Variants in PECAM1 observed in about 807,000 individuals in gnomAD.
PECAM1 encodes the protein platelet and endothelial cell adhesion molecule 1.
A neutral mutation model predicts 13.8 loss-of-function variants in PECAM1; 8 were observed. The ratio of observed to expected loss-of-function variants is 0.58; its 90% CI spans 0.34 to 1.05. The LOEUF is 1.05. PECAM1 is among the 50% of genes least tolerant of loss of function. The probability of loss-of-function intolerance (pLI) is 0.03; values close to 1 mark genes in which losing one functional copy is unlikely to be tolerated. For synonymous variants in PECAM1, 136 were observed against 52.6 expected (o/e 2.58, Z -6.86); for missense variants, 304 against 141.2 (o/e 2.15, Z -5.84).
At chr17:64,337,005 G>A (rs969399936) in intron 14 of PECAM1, among the ~76,000 whole-genome samples, 2 of 152,030 alleles carry the variant, frequency 1.3e-5, no homozygotes, top group Non-Finnish European at 2.9e-5. Context: ...GAGAAAGAAA[G>A]AGAGAGAGAG....
At chr17:64,364,501 G>A (rs1481136209) in intron 5 of PECAM1, among the ~76,000 whole-genome samples, 1 of 151,998 alleles carries the variant, frequency 6.6e-6, no homozygotes, top group Non-Finnish European at 1.5e-5. Context: ...TACCAAAGCC[G>A]GGCAGAGATA....
At chr17:64,328,584 C>T (rs1466083474) in intron 15 of PECAM1, among the ~76,000 whole-genome samples, 1 of 152,186 alleles carries the variant, frequency 6.6e-6, no homozygotes, top group African/African-American at 2.4e-5. Context: ...CATTTCATTC[C>T]TCTTTTCCTT....
intron 13 of PECAM1, among the ~76,000 whole-genome samples, chr17:64,342,007 C>T (rs1262055488): frequency 5.3e-5 from 8 of 152,078 alleles, no homozygotes; most frequent in African/African-American, 1.4e-4. Flanking sequence ...AAAAATTAGC[C>T]GGGCATGGTG....
At chr17:64,324,418 C>T (rs1159647749) in intron 15 of PECAM1, among the ~76,000 whole-genome samples, 1 of 152,190 alleles carries the variant, frequency 6.6e-6, no homozygotes, top group East Asian at 1.9e-4. Context: ...CTGTAGGGAC[C>T]ATAGCCTCTG....
At chr17:64,332,242 G>A (rs2035142888) in intron 14 of PECAM1, among the ~76,000 whole-genome samples, 1 of 152,100 alleles carries the variant, frequency 6.6e-6, no homozygotes, top group Admixed American at 6.6e-5. Context: ...TTGAGCCATT[G>A]TGTCAACTTC....
intron 2 of PECAM1, among the ~76,000 whole-genome samples, chr17:64,385,955 G>A (rs2036583942): frequency 6.6e-6 from 1 of 152,218 alleles, no homozygotes; most frequent in African/African-American, 2.4e-5. Flanking sequence ...CTGACAAGCT[G>A]GGCCCTGTCC....
intron 14 of PECAM1, among the ~76,000 whole-genome samples, chr17:64,340,524 T>C (rs973207574): frequency 0.012 from 1,765 of 152,206 alleles, 41 homozygotes; most frequent in African/African-American, 0.04. Context: ...AATGTTTACG[T>C]CTTTCGGATT....
intron 5 of PECAM1, among the ~76,000 whole-genome samples, chr17:64,365,176 T>C (rs60477046): frequency 0.044 from 6,559 of 148,866 alleles, 465 homozygotes; most frequent in African/African-American, 0.15. Context: ...TATACACCAA[T>C]AACAGACAAA....
intron 15 of PECAM1, among the ~76,000 whole-genome samples, chr17:64,325,007 G>C (rs1386847570): frequency 6.6e-6 from 1 of 152,234 alleles, no homozygotes; most frequent in African/African-American, 2.4e-5. Context: ...TCTGGAGATG[G>C]ATAGTGGTGG....
At position 64,377,891 on chromosome 17, in the gene PECAM1, T is replaced by G. The variant is rs1311986020; in HGVS notation, c.318A>C (p.Thr106=). 6.3e-6 allele frequency: 3 copies of G among 475,246 alleles called. No individual in the cohort carries two copies. The East Asian group carries it at 9.4e-5, about 15-fold the overall frequency. The allele number at this position is 475,246 out of a possible 1,614,324, so 29.4% of individuals were successfully genotyped here. A position where few individuals can be genotyped will look rare whatever the true frequency, so the allele number is the denominator to read the frequency against. The change falls in exon 3 of 16, where the codon ACA becomes ACC. Residue 106 remains threonine (T), a synonymous_variant. Coordinates refer to ENST00000563924, the MANE Select transcript of PECAM1 (RefSeq NM_000442.5). ...IPEVRIYDSG[T]YKCTVIVNNK... is the part of the protein sequence containing the mutation. Reference sequence around the variant, plus strand: ...TGTTCACAATCACAGTACATTTATATGTCCCTGAGTCATAGATCCGGACTT... The same window carrying G: ...TGTTCACAATCACAGTACATTTATAGGTCCCTGAGTCATAGATCCGGACTT...
chr17:64,389,875 C>T (rs2036678243), intron 2 of PECAM1, among the ~76,000 whole-genome samples: 1 of 151,918 alleles, frequency 6.6e-6, no homozygotes, highest in African/African-American at 2.4e-5. Context: ...TGGTGAAACC[C>T]TGTCTCTACT....
chr17:64,347,791 C>A (rs1026200326), intron 13 of PECAM1, among the ~76,000 whole-genome samples: 3 of 148,144 alleles, frequency 2.0e-5, no homozygotes, highest in Non-Finnish European at 4.5e-5. Context: ...AATGCAGTGG[C>A]GCAATCTCAG....
chr17:64,360,658 CAG>C (rs1251708999), intron 6 of PECAM1, among the ~76,000 whole-genome samples: 2 of 145,416 alleles, frequency 1.4e-5, no homozygotes, highest in African/African-American at 2.5e-5. Context: ...ATAAGCAAAA[CAG>C]AGAATGACAG....
chr17:64,337,183 AG>A (rs1457115831), intron 14 of PECAM1, among the ~76,000 whole-genome samples: 1 of 152,162 alleles, frequency 6.6e-6, no homozygotes, highest in Non-Finnish European at 1.5e-5. Flanking sequence ...TGCAAGAACC[AG>A]GGCTCTCTCT....
At chr17:64,381,340 C>G (rs2036476955) in intron 2 of PECAM1, among the ~76,000 whole-genome samples, 1 of 152,184 alleles carries the variant, frequency 6.6e-6, no homozygotes, top group African/African-American at 2.4e-5. Flanking sequence ...TGCGTTTGTG[C>G]TAAATGGGCC....
In PECAM1 at chr17:64,390,613, G is replaced by T. The variant is rs1375527521; in HGVS notation, c.53C>A (p.Thr18Asn). Residue 18 changes from threonine to asparagine, a missense_variant, in exon 1 of 16, where the codon ACC (threonine) becomes AAC (asparagine). Thr to Asn is a moderately conservative substitution (Grantham distance 65). Coordinates refer to ENST00000563924, the MANE Select transcript of PECAM1 (RefSeq NM_000442.5). ...GAGTAAACACTCACAGAGCAGAAGG[G>T]TCAGCAGGACTCCAAGCCACATCGT... ...GATMWLGVLL[T>N]LLLCSSLEGQ... The T allele has an allele frequency of 2.1e-6, 1 of 471,590 alleles. No individual in the cohort carries two copies. The highest frequency in any genetic ancestry group is 3.9e-6 in the Non-Finnish European group (1 of 257,430). The allele number at this position is 471,590 out of a possible 1,614,324, so 29.2% of individuals were successfully genotyped here. A position where few individuals can be genotyped will look rare whatever the true frequency, so the allele number is the denominator to read the frequency against.
chr17:64,358,366 C>T lies in PECAM1; in HGVS notation c.1492+1774G>A, dbSNP rs1020266113. 1.1e-4 allele frequency among the ~76,000 whole-genome samples: 17 copies of T among 152,164 alleles called. No homozygotes were observed. The South Asian group carries it at 3.5e-3, about 32-fold the overall frequency. ...ACTCCTGGGCTCAAGTGATCCACCC[C>T]ATTCGGTCTCCCAAAGTGCTGGGAT... On this transcript the variant is annotated intron_variant, in intron 7 of 15. Transcript: ENST00000563924.
chr17:64,348,522 C>T (rs2091708408), intron 12 of PECAM1, among the ~76,000 whole-genome samples, 200 bp from the exon 13 acceptor site: 1 of 151,678 alleles, frequency 6.6e-6, no homozygotes, highest in Non-Finnish European at 1.5e-5. Flanking sequence ...ATTCTCCTGC[C>T]TAAGCCTCCT....
chr17:64,347,676 A>ATAT (rs1491313964), intron 13 of PECAM1, among the ~76,000 whole-genome samples: 11 of 143,140 alleles, frequency 7.7e-5, no homozygotes, highest in South Asian at 4.2e-4. Flanking sequence ...CAAAGAAAAC[A>ATAT]TATATATTAT....
Sources: allele counts gnomAD v4.1 joint callset (sites outside exome capture counted in the v4.1 genomes callset), GRCh38; gene constraint gnomAD v4.1.1; transcripts MANE v1.5; gene names NCBI Gene and HGNC (gene_info 2026-07-23, HGNC 2026-07-21).